DENND5A: variants seen among roughly 807,000 people sequenced by gnomAD.
DENND5A encodes the protein DENN domain-containing protein 5A.
Under a neutral mutation model 140.3 loss-of-function variants are expected in DENND5A, and 64 were observed. The observed-to-expected ratio is 0.46, with a 90% confidence interval of 0.37 to 0.56. DENND5A has a LOEUF of 0.56. Among genes scored for constraint, DENND5A ranks in the 20% least tolerant of loss-of-function variants. DENND5A has a pLI of 0.00. For synonymous variants in DENND5A, 605 were observed against 607.7 expected, an observed-to-expected ratio of 1.00 and a Z score of 0.07; for missense variants, 1,292 against 1,593.8, an observed-to-expected ratio of 0.81 and a Z score of 3.22.
In DENND5A at chr11:9,185,368, G is replaced by A. The variant is rs375216210; in HGVS notation, c.1138-4284C>T. On this transcript the variant is annotated intron_variant, in intron 5 of 22. Transcript: ENST00000328194. ...TTAACTTCTTAATCCATCTGAAGTT[G>A]ATTTTGTTATGGTTTACTTTTTTCC... Among the ~76,000 whole-genome samples, 11 of 152,180 alleles carry A rather than the reference G, an allele frequency of 7.2e-5. No individual in the cohort carries two copies. In the East Asian group the frequency reaches 2.1e-3, roughly 29 times the overall value.
chr11:9,241,539 A>G (rs1477652830), intron 1 of DENND5A, among the ~76,000 whole-genome samples: 1 of 152,164 alleles, frequency 6.6e-6, no homozygotes, highest in Non-Finnish European at 1.5e-5. Flanking sequence ...CTCCAACCTC[A>G]GTAACATTGT....
intron 1 of DENND5A, among the ~76,000 whole-genome samples, chr11:9,249,100 C>A (rs923400226): frequency 1.3e-5 from 2 of 151,756 alleles, no homozygotes; most frequent in Non-Finnish European, 1.5e-5. Context: ...TGGTGGTGGG[C>A]GCCTGTAGTC....
intron 1 of DENND5A, among the ~76,000 whole-genome samples, chr11:9,234,219 C>T (rs954398826): frequency 6.7e-6 from 1 of 149,954 alleles, no homozygotes; most frequent in Non-Finnish European, 1.5e-5. Flanking sequence ...CTCCAAACCA[C>T]ATTCCTTTAC....
At chr11:9,184,430 G>C (rs1034681313) in intron 5 of DENND5A, among the ~76,000 whole-genome samples, 2 of 152,132 alleles carry the variant, frequency 1.3e-5, no homozygotes, top group African/African-American at 4.8e-5. Flanking sequence ...TGTTTTCTTG[G>C]ACTCCTGCAA....
At chr11:9,145,253 C>T (rs756479491) in intron 17 of DENND5A, 140 bp from the exon 18 acceptor site, 89 of 675,122 alleles carry the variant, frequency 1.3e-4, no homozygotes, top group Non-Finnish European at 2.0e-4. Flanking sequence ...CTCTACATAC[C>T]GCCAGAACTG....
At chr11:9,172,089 G>A (rs1009830834) in intron 8 of DENND5A, 3 of 152,082 alleles carry the variant, frequency 2.0e-5, no homozygotes, top group African/African-American at 7.2e-5. Context: ...GAGTATCAGC[G>A]GTTCTGGGAT....
rs779522112 is a variant in DENND5A at position 9,164,194 on chromosome 11, ATTT to A, written c.2283+1639_2283+1641del. ...CTAAAGGTGTGCACCACCACGCCTA[ATTT>A]TTTTTTTTTTTTTTTTTTTTTTTTT... On this transcript the variant is annotated intron_variant, in intron 11 of 22. Coordinates refer to ENST00000328194, the MANE Select transcript of DENND5A (RefSeq NM_015213.4). Among the ~76,000 whole-genome samples, 625 of 78,384 alleles carry A rather than the reference ATTT, an allele frequency of 8.0e-3. 1 individual carries two copies. Among genetic ancestry groups the A allele is most frequent in the Admixed American group, 0.011 (62 of 5,756 alleles). 51.4% of individuals were successfully genotyped at this position (78,384 alleles called of 152,430 possible). A position where few individuals can be genotyped will look rare whatever the true frequency, so the allele number is the denominator to read the frequency against.
intron 9 of DENND5A, chr11:9,170,314 C>T: frequency 1.0e-6 from 1 of 981,402 alleles, no homozygotes; most frequent in Non-Finnish European, 1.2e-6. Flanking sequence ...ATTTCAACTG[C>T]CATTTATTAA....
chr11:9,242,014 CAAAA>C (rs965240891), intron 1 of DENND5A, among the ~76,000 whole-genome samples: 1 of 58,166 alleles, frequency 1.7e-5, no homozygotes, highest in East Asian at 4.8e-4. Context: ...AACTCCGTCT[CAAAA>C]AAAAAAAAAA....
chr11:9,264,854 G>A (rs895877092), intron 1 of DENND5A, 107 bp downstream of exon 1: 3 of 1,033,964 alleles, frequency 2.9e-6, no homozygotes, highest in Non-Finnish European at 1.4e-6. Context: ...CCTCCCGGCC[G>A]ACACTCGCCC....
intron 8 of DENND5A, chr11:9,177,897 A>G: frequency 2.2e-6 from 1 of 464,760 alleles, no homozygotes; most frequent in Non-Finnish European, 3.8e-6. Context: ...TATTTGTTTA[A>G]CCCACTGCTG....
intron 1 of DENND5A, among the ~76,000 whole-genome samples, chr11:9,262,269 C>G (rs1186431301): frequency 1.3e-5 from 2 of 152,156 alleles, no homozygotes; most frequent in Non-Finnish European, 2.9e-5. Context: ...AACTCATGCT[C>G]TCGCTAACAG....
intron 5 of DENND5A, among the ~76,000 whole-genome samples, chr11:9,190,903 C>A (rs138559390): frequency 2.0e-5 from 3 of 152,026 alleles, no homozygotes; most frequent in African/African-American, 7.2e-5. Flanking sequence ...AGGTTTTCCA[C>A]GGGAAATACA....
intron 1 of DENND5A, among the ~76,000 whole-genome samples, chr11:9,260,709 T>G (rs953844451): frequency 3.3e-5 from 5 of 152,154 alleles, no homozygotes; most frequent in African/African-American, 9.7e-5. Context: ...AAAAAACAAC[T>G]ACATTACTTG....
chr11:9,183,727 C>T (rs1848811216), intron 5 of DENND5A, among the ~76,000 whole-genome samples: 2 of 152,126 alleles, frequency 1.3e-5, no homozygotes, highest in Admixed American at 1.3e-4. Flanking sequence ...AAATTTTATA[C>T]AAGGATTATC....
intron 11 of DENND5A, among the ~76,000 whole-genome samples, chr11:9,162,776 C>T (rs759523716): frequency 1.3e-4 from 20 of 152,090 alleles, no homozygotes; most frequent in Non-Finnish European, 2.4e-4. Flanking sequence ...TCATGGTTCA[C>T]GTAGCCTCAG....
intron 1 of DENND5A, among the ~76,000 whole-genome samples, chr11:9,263,124 A>G (rs1285054857): frequency 6.6e-6 from 1 of 152,144 alleles, no homozygotes; most frequent in Non-Finnish European, 1.5e-5. Context: ...TTACTGCTTC[A>G]TATTTTCTCC....
rs1852214366 is a variant in DENND5A at position 9,261,825 on chromosome 11, T to TACCA, written c.109+3132_109+3135dup. On this transcript the variant is annotated intron_variant, in intron 1 of 22. Coordinates refer to ENST00000328194, the MANE Select transcript of DENND5A (RefSeq NM_015213.4). ...TCCCTCTGGATAGTTCAGATTCCCC[T>TACCA]ACCAACCCACCAGAAATGAAATGAA... Among the ~76,000 whole-genome samples the TACCA allele has an allele frequency of 2.8e-5, 4 of 144,734 alleles. No individual in the cohort carries two copies. In the South Asian group the frequency reaches 9.1e-4, roughly 33 times the overall value. 95.0% of individuals were successfully genotyped at this position (144,734 alleles called of 152,430 possible).
chr11:9,229,899 CTTTTTTTTT>C (rs71062816), intron 1 of DENND5A, among the ~76,000 whole-genome samples: 2 of 64,904 alleles, frequency 3.1e-5, no homozygotes, highest in South Asian at 7.8e-4. Flanking sequence ...GCTCCCATTT[CTTTTTTTTT>C]TTTTTTTTTT....
Sources: gnomAD v4.1 joint callset for allele counts (sites outside exome capture counted in the v4.1 genomes callset) on GRCh38, gnomAD v4.1.1 for gene constraint, MANE v1.5 for transcripts, NCBI Gene and HGNC (gene_info 2026-07-23, HGNC 2026-07-21) for gene names.